DDR2: variants seen among roughly 807,000 people sequenced by gnomAD.
The protein encoded by DDR2 is discoidin domain receptor tyrosine kinase 2.
Under a neutral mutation model 94.9 loss-of-function variants are expected in DDR2, and 27 were observed. The observed-to-expected ratio is 0.28, with a 90% confidence interval of 0.21 to 0.39. The LOEUF (loss-of-function observed/expected upper bound fraction) is 0.39. DDR2 is among the 10% of genes least tolerant of loss of function. The pLI, the probability that DDR2 is intolerant of heterozygous loss-of-function variation, is 1.00. For missense variants in DDR2, 783 were observed against 1,076.0 expected (o/e 0.73, Z 3.81); for synonymous variants, 382 against 377.2 (o/e 1.01, Z -0.15).
chr1:162,679,778 T>C (rs554739660), intron 2 of DDR2, among the ~76,000 whole-genome samples: 1 of 152,184 alleles, frequency 6.6e-6, no homozygotes, highest in Admixed American at 6.5e-5. Flanking sequence ...GTGTTTTTTT[T>C]TCAACCTTGC....
chr1:162,728,177 T>G (rs181137852), intron 3 of DDR2, among the ~76,000 whole-genome samples: 2 of 145,816 alleles, frequency 1.4e-5, no homozygotes, highest in Admixed American at 1.4e-4. Flanking sequence ...TAGATAGATA[T>G]CTCTTTATAT....
chr1:162,672,519 C>G (rs1235865882), intron 2 of DDR2, among the ~76,000 whole-genome samples: 2 of 152,124 alleles, frequency 1.3e-5, no homozygotes, highest in African/African-American at 2.4e-5. Context: ...CTTTTAAAGA[C>G]TATATGTTAT....
intron 3 of DDR2, among the ~76,000 whole-genome samples, chr1:162,746,958 G>A (rs565058185): frequency 6.6e-6 from 1 of 152,156 alleles, no homozygotes; most frequent in Non-Finnish European, 1.5e-5. Flanking sequence ...CAAAGAGAAA[G>A]GAATAGCATC....
rs181111144 is a variant in DDR2, at chr1:162,784,287, T to G, written c.*4041T>G. The G allele has an allele frequency of 8.4e-5, 13 of 154,470 alleles. No individual in the cohort carries two copies. In the East Asian group the frequency reaches 2.5e-3, roughly 30 times the overall value. The allele number at this position is 154,470 out of a possible 1,614,324, so 9.6% of individuals were successfully genotyped here. A position where few individuals can be genotyped will look rare whatever the true frequency, so the allele number is the denominator to read the frequency against. ...TGCTGAAACAGAACAGTGAATGTTT[T>G]GCCCAAAACTACAAAAATAAAAGAA... On this transcript the variant is annotated 3_prime_UTR_variant, in exon 18 of 18. Coordinates refer to ENST00000367921, the MANE Select transcript of DDR2 (RefSeq NM_006182.4).
intron 2 of DDR2, among the ~76,000 whole-genome samples, chr1:162,691,973 G>A (rs1659979717): frequency 6.6e-6 from 1 of 152,232 alleles, no homozygotes; most frequent in Non-Finnish European, 1.5e-5. Flanking sequence ...AAGGCCTGTA[G>A]GTGGGTGGAG....
At chr1:162,695,507 AG>A (rs764666584) in intron 2 of DDR2, among the ~76,000 whole-genome samples, 2 of 152,202 alleles carry the variant, frequency 1.3e-5, no homozygotes, top group Non-Finnish European at 2.9e-5. Context: ...CTGGGATTAC[AG>A]GCATGAGCCA....
intron 1 of DDR2, among the ~76,000 whole-genome samples, chr1:162,651,710 A>G (rs1183259390): frequency 1.3e-5 from 2 of 152,228 alleles, no homozygotes; most frequent in African/African-American, 4.8e-5. Context: ...TAAAACAATA[A>G]TCTATTGAAA....
intron 2 of DDR2, among the ~76,000 whole-genome samples, chr1:162,695,604 A>C (rs1401807693): frequency 1.3e-5 from 2 of 152,220 alleles, no homozygotes; most frequent in Non-Finnish European, 2.9e-5. Flanking sequence ...CCTGCTGGGC[A>C]TGAGCATTAG....
At chr1:162,702,072 C>T (rs2101996925) in intron 2 of DDR2, among the ~76,000 whole-genome samples, 1 of 152,282 alleles carries the variant, frequency 6.6e-6, no homozygotes, top group South Asian at 2.1e-4. Context: ...AATTTACCTT[C>T]TCTGAGAAGA....
At chr1:162,767,562 C>G (rs940601313) in intron 11 of DDR2, among the ~76,000 whole-genome samples, 1 of 152,104 alleles carries the variant, frequency 6.6e-6, no homozygotes, top group African/African-American at 2.4e-5. Flanking sequence ...TTGGAACCTT[C>G]CTAACGTTCC....
chr1:162,648,034 T>C (rs1235575631), intron 1 of DDR2, among the ~76,000 whole-genome samples: 1 of 144,308 alleles, frequency 6.9e-6, no homozygotes, highest in Non-Finnish European at 1.5e-5. Flanking sequence ...GATTCATTCC[T>C]GTATTTAGCA....
chr1:162,768,183 A>G (rs1014599150), intron 11 of DDR2, among the ~76,000 whole-genome samples: 1 of 152,178 alleles, frequency 6.6e-6, no homozygotes, highest in Non-Finnish European at 1.5e-5. Context: ...TTCTTTCTTC[A>G]AAACTATATT....
chr1:162,765,922 T>G, intron 9 of DDR2, 79 bp from the exon 10 acceptor site: 1 of 1,278,962 alleles, frequency 7.8e-7, no homozygotes, highest in Non-Finnish European at 1.1e-6. Flanking sequence ...TGTAATGTGC[T>G]AGGTCACAAT....
At chr1:162,678,437 T>A (rs767976196) in intron 2 of DDR2, among the ~76,000 whole-genome samples, 1 of 152,242 alleles carries the variant, frequency 6.6e-6, no homozygotes, top group Non-Finnish European at 1.5e-5. Flanking sequence ...TCCTACCTGA[T>A]GTGTCTATCT....
intron 2 of DDR2, among the ~76,000 whole-genome samples, chr1:162,675,917 A>G (rs1433754589): frequency 6.6e-6 from 1 of 152,196 alleles, no homozygotes; most frequent in Non-Finnish European, 1.5e-5. Flanking sequence ...GTTGGAGTTC[A>G]GAGAGAAGTC....
rs545291376 is a variant in DDR2 at position 162,751,696 on chromosome 1, A to G, written c.83-1399A>G. ...CATGCTGCTATAAAGACACATGCAC[A>G]TGTATGTTTATTGTGGCGCTATTCA... On this transcript the variant is annotated intron_variant, in intron 3 of 17. Transcript: ENST00000367921. 1.1e-4 allele frequency among the ~76,000 whole-genome samples: 16 copies of G among 152,348 alleles called. No homozygotes were observed. In the South Asian group the frequency reaches 2.9e-3, roughly 28 times the overall value.
chr1:162,637,399 T>G (rs1290553739), intron 1 of DDR2, among the ~76,000 whole-genome samples: 1 of 152,118 alleles, frequency 6.6e-6, no homozygotes, highest in Non-Finnish European at 1.5e-5. Context: ...TTTTTTATAA[T>G]TTTTAAAAAT....
rs988285879 is a variant in DDR2 at position 162,700,827 on chromosome 1, T to C, written c.-27-18210T>C. On this transcript the variant is annotated intron_variant, in intron 2 of 17. Coordinates refer to ENST00000367921, the MANE Select transcript of DDR2 (RefSeq NM_006182.4). ...ACAGGGCTCTACGAGAATGGCATAG[T>C]TCATGTCTTAAAACCGCTTATAGCT... 3.3e-5 allele frequency among the ~76,000 whole-genome samples: 5 copies of C among 152,202 alleles called. No homozygotes were observed. The South Asian group carries it at 1.0e-3, about 31-fold the overall frequency.
At chr1:162,775,631 C>G (rs2102195033) in intron 14 of DDR2, 21 bp from the exon 15 acceptor site, 1 of 1,613,406 alleles carries the variant, frequency 6.2e-7, no homozygotes, top group Non-Finnish European at 8.5e-7. Context: ...CTGAGTTTAT[C>G]TATGTCTGTA....
Sources: allele counts gnomAD v4.1 joint callset (sites outside exome capture counted in the v4.1 genomes callset), GRCh38; gene constraint gnomAD v4.1.1; transcripts MANE v1.5; gene names NCBI Gene and HGNC (gene_info 2026-07-23, HGNC 2026-07-21).